The following LNPK variants were observed in gnomAD, a reference collection of about 807,000 sequenced individuals.
LNPK encodes the protein endoplasmic reticulum junction formation protein lunapark.
Under a neutral mutation model 55.2 loss-of-function variants are expected in LNPK, and 29 were observed. The ratio of observed to expected loss-of-function variants is 0.53; its 90% CI spans 0.39 to 0.72. The LOEUF (loss-of-function observed/expected upper bound fraction) is 0.72, where lower values mean the gene tolerates loss of function less well. Ranked by LOEUF, LNPK falls within the 30% of genes least tolerant of loss-of-function variation. The probability of loss-of-function intolerance (pLI) is 0.00; values close to 1 mark genes in which losing one functional copy is unlikely to be tolerated. For missense variants in LNPK, 467 were observed against 494.8 expected (o/e 0.94, Z 0.53); for synonymous variants, 162 against 168.2 (o/e 0.96, Z 0.29).
chr2:175,977,177 T>A (rs1574877527), intron 5 of LNPK, among the ~76,000 whole-genome samples: 1 of 152,188 alleles, frequency 6.6e-6, no homozygotes, highest in South Asian at 2.1e-4. Flanking sequence ...AGACTTAGAT[T>A]TGGGAATCAT....
At chr2:175,977,353 C>G (rs1306945513) in intron 5 of LNPK, among the ~76,000 whole-genome samples, 1 of 151,974 alleles carries the variant, frequency 6.6e-6, no homozygotes, top group Non-Finnish European at 1.5e-5. Context: ...GCTCAACAGT[C>G]ACAAATGGCT....
At chr2:175,977,151 G>C (rs1435417283) in intron 5 of LNPK, among the ~76,000 whole-genome samples, 1 of 152,130 alleles carries the variant, frequency 6.6e-6, no homozygotes, top group East Asian at 1.9e-4. Flanking sequence ...CAGCTGAAGG[G>C]AAGAGACTGG....
rs998854853 is a variant in LNPK, at chr2:176,002,241, G to A, written c.-144C>T. On this transcript the variant is annotated 5_prime_UTR_variant, in exon 1 of 13. Transcript: ENST00000272748. ...CACCGCCCAGCCTGCCTCCAGAGCAGGCAGCAGCCGCCACTGACAGAGAGA... is the reference window on the plus strand; with the variant it reads ...CACCGCCCAGCCTGCCTCCAGAGCAAGCAGCAGCCGCCACTGACAGAGAGA... 2.2e-6 allele frequency: 1 copy of A among 451,594 alleles called. No homozygotes were observed. Among genetic ancestry groups the A allele is most frequent in the African/African-American group, 2.0e-5 (1 of 49,646 alleles). 28.0% of individuals were successfully genotyped at this position (451,594 alleles called of 1,614,324 possible). A position where few individuals can be genotyped will look rare whatever the true frequency, so the allele number is the denominator to read the frequency against.
At chr2:175,955,334 G>A (rs1021001003) in intron 8 of LNPK, among the ~76,000 whole-genome samples, 1 of 152,166 alleles carries the variant, frequency 6.6e-6, no homozygotes, top group Admixed American at 6.5e-5. Flanking sequence ...AGAAGTCCAT[G>A]TGGAGAGGAA....
intron 12 of LNPK, among the ~76,000 whole-genome samples, chr2:175,936,281 C>A (rs1684542614): frequency 6.6e-6 from 1 of 152,054 alleles, no homozygotes; most frequent in Non-Finnish European, 1.5e-5. Context: ...ATTCAACACA[C>A]ACATTTTAGG....
intron 9 of LNPK, among the ~76,000 whole-genome samples, chr2:175,945,836 T>C (rs1284285450): frequency 1.3e-5 from 2 of 152,158 alleles, no homozygotes; most frequent in African/African-American, 2.4e-5. Context: ...CAATGGTAAT[T>C]AACACAAACA....
At chr2:175,995,423 C>A (rs1687885066) in intron 2 of LNPK, 135 bp downstream of exon 2, 1 of 561,720 alleles carries the variant, frequency 1.8e-6, no homozygotes, top group African/African-American at 1.9e-5. Flanking sequence ...AAAAGTAATT[C>A]AAAAGAGAAG....
At chr2:175,960,333 A>G (rs1685950156) in intron 8 of LNPK, among the ~76,000 whole-genome samples, 2 of 152,208 alleles carry the variant, frequency 1.3e-5, no homozygotes, top group Non-Finnish European at 2.9e-5. Flanking sequence ...AGCAAATGTA[A>G]AAGAACAGAA....
At chr2:175,978,374 T>TGATCCATTAACACAGTATATCTC (rs1687010677) in intron 5 of LNPK, among the ~76,000 whole-genome samples, 2 of 152,160 alleles carry the variant, frequency 1.3e-5, no homozygotes, top group Non-Finnish European at 2.9e-5. Context: ...ACAATTTCAC[T>TGATCCATTAACACAGTATATCTC]TGGTGGTGTA....
intron 5 of LNPK, among the ~76,000 whole-genome samples, chr2:175,973,345 T>C (rs1228455926): frequency 6.6e-6 from 1 of 152,174 alleles, no homozygotes; most frequent in East Asian, 1.9e-4. Flanking sequence ...ATAGCTTCTA[T>C]TCATGATTGA....
intron 8 of LNPK, among the ~76,000 whole-genome samples, chr2:175,962,175 A>C (rs1304771832): frequency 6.6e-6 from 1 of 152,208 alleles, no homozygotes; most frequent in Non-Finnish European, 1.5e-5. Flanking sequence ...GCTACCAGTG[A>C]CTTTCTTCGC....
chr2:175,956,712 T>C (rs1231818752), intron 8 of LNPK, among the ~76,000 whole-genome samples: 1 of 152,190 alleles, frequency 6.6e-6, no homozygotes, highest in Non-Finnish European at 1.5e-5. Flanking sequence ...CAACACCTTT[T>C]GACTGTCCAT....
At chr2:175,964,159 C>T (rs1686211335) in intron 8 of LNPK, among the ~76,000 whole-genome samples, 1 of 152,046 alleles carries the variant, frequency 6.6e-6, no homozygotes, top group Admixed American at 6.6e-5. Flanking sequence ...AATCTCAATA[C>T]ATATTTGACA....
At chr2:175,957,499 C>T (rs11691719) in intron 8 of LNPK, among the ~76,000 whole-genome samples, 22,481 of 151,626 alleles carry the variant, frequency 0.15, 2,008 homozygotes, top group South Asian at 0.39. Context: ...GATCACATCC[C>T]CTCTTGCCTA....
At chr2:175,986,998 A>G (rs1687448422) in intron 4 of LNPK, among the ~76,000 whole-genome samples, 1 of 152,096 alleles carries the variant, frequency 6.6e-6, no homozygotes, top group African/African-American at 2.4e-5. Context: ...GAAAAAAACA[A>G]AAGGAGGTGG....
intron 12 of LNPK, among the ~76,000 whole-genome samples, chr2:175,934,650 A>T (rs972952862): frequency 6.6e-6 from 1 of 152,044 alleles, no homozygotes; most frequent in Non-Finnish European, 1.5e-5. Flanking sequence ...ATGCTTTTTT[A>T]AAAAAAGGTA....
intron 6 of LNPK, among the ~76,000 whole-genome samples, chr2:175,967,367 A>C (rs868009680): frequency 4.3e-4 from 66 of 152,298 alleles, no homozygotes; most frequent in African/African-American, 1.6e-3. Flanking sequence ...CAGCCATTAC[A>C]TCATAGAAAA....
intron 5 of LNPK, among the ~76,000 whole-genome samples, chr2:175,974,378 C>T (rs1686792869): frequency 6.6e-6 from 1 of 152,098 alleles, no homozygotes; most frequent in African/African-American, 2.4e-5. Context: ...ATAACTGCAT[C>T]GGTCGTACAA....
At chr2:175,995,803 C>A (rs1295668449) in intron 1 of LNPK, among the ~76,000 whole-genome samples, 157 bp from the exon 2 acceptor site, 1 of 67,222 alleles carries the variant, frequency 1.5e-5, no homozygotes, top group African/African-American at 4.0e-5. Flanking sequence ...ATAGAGTCTA[C>A]CTTTTTTTTT....
Sources: allele counts gnomAD v4.1 joint callset (sites outside exome capture counted in the v4.1 genomes callset), GRCh38; gene constraint gnomAD v4.1.1; transcripts MANE v1.5; gene names NCBI Gene and HGNC (gene_info 2026-07-23, HGNC 2026-07-21).